NIFK: variants seen among roughly 807,000 people sequenced by gnomAD.
NIFK encodes the protein MKI67 FHA domain-interacting nucleolar phosphoprotein.
In NIFK, 16 loss-of-function variants were observed where a neutral mutation model predicts 31.7. The observed-to-expected ratio is 0.50, with a 90% confidence interval of 0.34 to 0.77. NIFK has a LOEUF of 0.77. Among genes scored for constraint, NIFK ranks in the 30% least tolerant of loss-of-function variants. The pLI is 0.01. For missense variants in NIFK, 341 were observed against 350.4 expected (o/e 0.97, Z 0.21); for synonymous variants, 126 against 123.0 (o/e 1.02, Z -0.16).
At chr2:121,733,030 T>C (rs917175168) in intron 2 of NIFK, among the ~76,000 whole-genome samples, 8 of 151,750 alleles carry the variant, frequency 5.3e-5, no homozygotes, top group African/African-American at 1.9e-4. Context: ...TGTAGTGAGC[T>C]GAGATCGCGC....
intron 2 of NIFK, among the ~76,000 whole-genome samples, chr2:121,732,883 C>T (rs895723648): frequency 6.6e-6 from 1 of 151,928 alleles, no homozygotes; most frequent in Non-Finnish European, 1.5e-5. Flanking sequence ...GGGTTTGAGA[C>T]CAGCCTGGCC....
Position 121,727,612 on chromosome 2 carries a change from T to C in NIFK, c.*112A>G. ...TTCCTTAACTTGACCAAACAGTGTA[T>C]TTTTCCTCTGAAAATCTTGTCAAAG... is the stretch of plus-strand genomic sequence containing the variant. On this transcript the variant is annotated 3_prime_UTR_variant, in exon 7 of 7. Transcript: ENST00000285814. The C allele has an allele frequency of 1.1e-6, 1 of 917,634 alleles. No individual in the cohort carries two copies. Among genetic ancestry groups the C allele is most frequent in the Non-Finnish European group, 1.7e-6 (1 of 585,134 alleles). 56.8% of individuals were successfully genotyped at this position (917,634 alleles called of 1,614,324 possible). A position where few individuals can be genotyped will look rare whatever the true frequency, so the allele number is the denominator to read the frequency against.
At chr2:121,734,719 G>A (rs7602161) in intron 2 of NIFK, among the ~76,000 whole-genome samples, 2,091 of 152,196 alleles carry the variant, frequency 0.014, 52 homozygotes, top group African/African-American at 0.048. Flanking sequence ...GCTTGAACCC[G>A]GGAAGCGGAG....
rs373396608 is a variant in NIFK, at chr2:121,728,270, T to A, written c.693+18A>T. 6.0e-6 allele frequency: 9 copies of A among 1,493,010 alleles called. No homozygotes were observed. Among genetic ancestry groups the A allele is most frequent in the African/African-American group, 1.4e-5 (1 of 71,758 alleles). 92.5% of individuals were successfully genotyped at this position (1,493,010 alleles called of 1,614,324 possible). On this transcript the variant is annotated intron_variant, in intron 6 of 6. Transcript: ENST00000285814. ...TTTCTATAATATCTGGTGTCTGGAG[T>A]ATTGAAAACCATTTTACCTGGCTAT...
At position 121,732,177 on chromosome 2, in the gene NIFK, C is replaced by T. The variant is rs985554041; in HGVS notation, c.271G>A (p.Val91Met). 3.7e-6 allele frequency: 6 copies of T among 1,612,408 alleles called. No homozygotes were observed. Among genetic ancestry groups the T allele is most frequent in the Non-Finnish European group, 5.1e-6 (6 of 1,178,550 alleles). Residue 91 changes from valine (V) to methionine (M), a missense_variant, in exon 3 of 7, where the codon GTG (valine) becomes ATG (methionine). Transcript: ENST00000285814. ...RTGNSKGYAF[V>M]EFESEDVAKI... ...GCAACATCCTCAGACTCAAACTCCA[C>T]AAATGCATAGCCTTTGCTATTTCCA...
chr2:121,734,001 G>A (rs571210636), intron 2 of NIFK, among the ~76,000 whole-genome samples: 2 of 152,082 alleles, frequency 1.3e-5, no homozygotes. Context: ...CCTAATGTTC[G>A]GGCTGGGCAC....
At chr2:121,734,245 G>A (rs1038583955) in intron 2 of NIFK, among the ~76,000 whole-genome samples, 4 of 151,990 alleles carry the variant, frequency 2.6e-5, no homozygotes, top group African/African-American at 9.7e-5. Flanking sequence ...GCAGTGAGCC[G>A]AGATCGCCCC....
chr2:121,732,474 T>C (rs1466667855), intron 2 of NIFK, among the ~76,000 whole-genome samples: 1 of 152,162 alleles, frequency 6.6e-6, no homozygotes, highest in Non-Finnish European at 1.5e-5. Flanking sequence ...CTGGAATTTA[T>C]TCAGTAACAA....
At position 121,730,935 on chromosome 2, in the gene NIFK, C is replaced by T. The variant is rs1454265110; in HGVS notation, c.522G>A (p.Lys174=). The T allele has an allele frequency of 3.1e-6, 5 of 1,612,870 alleles. No individual in the cohort carries two copies. Among genetic ancestry groups the T allele is most frequent in the Non-Finnish European group, 4.2e-6 (5 of 1,179,328 alleles). ...AGTCAATTCCTTTTTTAGCTAATTT[C>T]TTCCTGAGTAATCTTTCTTTCTTTT... ...RFKKKERLLR[K]KLAKKGIDYD... The change falls in exon 4 of 7, where the codon AAG becomes AAA. Residue 174 remains lysine, a synonymous_variant. Coordinates refer to ENST00000285814, the MANE Select transcript of NIFK (RefSeq NM_032390.5).
At chr2:121,732,813 T>G (rs2074552413) in intron 2 of NIFK, among the ~76,000 whole-genome samples, 1 of 151,958 alleles carries the variant, frequency 6.6e-6, no homozygotes, top group African/African-American at 2.4e-5. Flanking sequence ...AAACCCCATC[T>G]CTACTAAAAA....
intron 2 of NIFK, among the ~76,000 whole-genome samples, chr2:121,733,954 T>C (rs1208742162): frequency 1.3e-5 from 2 of 152,272 alleles, no homozygotes; most frequent in African/African-American, 2.4e-5. Flanking sequence ...AGATTGTTCC[T>C]AGCAGCTTAA....
rs922704289 is a variant in NIFK, at chr2:121,734,091, C to G, written c.243+1522G>C. Among the ~76,000 whole-genome samples the G allele has an allele frequency of 7.5e-5, 11 of 147,358 alleles. No homozygotes were observed. In the East Asian group the frequency reaches 2.2e-3, roughly 29 times the overall value. ...TCATCTGAGGTCAGGAGTTTGAGACCAGCCTGGCCAAAACAGTGTTTAGTA... is the reference window on the plus strand; with the variant it reads ...TCATCTGAGGTCAGGAGTTTGAGACGAGCCTGGCCAAAACAGTGTTTAGTA... On this transcript the variant is annotated intron_variant, in intron 2 of 6. Transcript: ENST00000285814.
chr2:121,727,985 TCTC>T, intron 6 of NIFK, 73 bp from the exon 7 acceptor site: 1 of 1,329,542 alleles, frequency 7.5e-7, no homozygotes, highest in Non-Finnish European at 1.0e-6. Flanking sequence ...AAATATCATC[TCTC>T]CTCTATTTTT....
At chr2:121,733,571 C>T (rs1189123488) in intron 2 of NIFK, among the ~76,000 whole-genome samples, 12 of 151,498 alleles carry the variant, frequency 7.9e-5, no homozygotes, top group Non-Finnish European at 1.5e-4. Context: ...CCCAGCTACT[C>T]GGGAGGCTGG....
intron 2 of NIFK, 64 bp downstream of exon 2, chr2:121,735,549 T>C (rs1041393040): frequency 2.6e-6 from 4 of 1,531,560 alleles, no homozygotes; most frequent in Middle Eastern, 4.6e-4. Context: ...GAACGTGCTC[T>C]TTAATGTCAA....
rs116084393 is a variant in NIFK at position 121,727,376 on chromosome 2, T to C, written c.*348A>G. On this transcript the variant is annotated 3_prime_UTR_variant, in exon 7 of 7. Transcript: ENST00000285814. ...GACAAACAAGATTGGTGGTCTTTAATTGCTGGCGACAGAAAAGGCTGCAGT... is the reference window on the plus strand; with the variant it reads ...GACAAACAAGATTGGTGGTCTTTAACTGCTGGCGACAGAAAAGGCTGCAGT... 1,724 of 489,548 alleles carry C rather than the reference T, an allele frequency of 3.5e-3. 16 individuals carry two copies. Among genetic ancestry groups the C allele is most frequent in the African/African-American group, 0.023 (1,197 of 51,060 alleles). The allele number at this position is 489,548 out of a possible 1,614,324, so 30.3% of individuals were successfully genotyped here. A position where few individuals can be genotyped will look rare whatever the true frequency, so the allele number is the denominator to read the frequency against.
chr2:121,734,991 C>G (rs1011586067), intron 2 of NIFK, among the ~76,000 whole-genome samples: 1 of 151,976 alleles, frequency 6.6e-6, no homozygotes, highest in Non-Finnish European at 1.5e-5. Context: ...AGTTTATGTG[C>G]GGGGAAAGAA....
At chr2:121,732,906 C>T (rs1041511479) in intron 2 of NIFK, among the ~76,000 whole-genome samples, 1 of 151,872 alleles carries the variant, frequency 6.6e-6, no homozygotes, top group Non-Finnish European at 1.5e-5. Context: ...CATGGTGAAA[C>T]CCCATCTCTA....
chr2:121,729,588 A>T (rs1338738192), intron 4 of NIFK, among the ~76,000 whole-genome samples: 1 of 152,036 alleles, frequency 6.6e-6, no homozygotes, highest in Non-Finnish European at 1.5e-5. Context: ...TTTTAGCGAT[A>T]CGGTCTTGCT....
Sources: allele counts gnomAD v4.1 joint callset (sites outside exome capture counted in the v4.1 genomes callset), GRCh38; gene constraint gnomAD v4.1.1; transcripts MANE v1.5; gene names NCBI Gene and HGNC (gene_info 2026-07-23, HGNC 2026-07-21).